The following GALNTL6 variants were observed in gnomAD, a reference collection of about 807,000 sequenced individuals.
GALNTL6 encodes the protein polypeptide N-acetylgalactosaminyltransferase like 6.
GALNTL6 carries 46 observed loss-of-function variants against 73.7 expected under a neutral mutation model. The observed-to-expected ratio is 0.62, with a 90% CI of 0.49 to 0.80. GALNTL6 has a LOEUF of 0.80. Ranked by LOEUF, GALNTL6 falls within the 30% of genes least tolerant of loss-of-function variation. GALNTL6 has a pLI of 0.00. For synonymous variants in GALNTL6, 259 were observed against 263.7 expected (o/e 0.98, Z 0.17); for missense variants, 604 against 755.0 (o/e 0.80, Z 2.34).
At chr4:172,614,307 T>C (rs949031435) in intron 5 of GALNTL6, among the ~76,000 whole-genome samples, 2 of 152,176 alleles carry the variant, frequency 1.3e-5, no homozygotes, top group African/African-American at 4.8e-5. Flanking sequence ...TATTTTTTGA[T>C]TTCTTGAAGA....
chr4:172,404,724 A>C (rs555622441), intron 5 of GALNTL6, among the ~76,000 whole-genome samples: 2 of 152,204 alleles, frequency 1.3e-5, no homozygotes, highest in Admixed American at 1.3e-4. Flanking sequence ...CCTGGGCACT[A>C]ATAGTACATA....
intron 2 of GALNTL6, among the ~76,000 whole-genome samples, chr4:172,077,702 A>C (rs1032378353): frequency 3.2e-4 from 48 of 152,214 alleles, no homozygotes; most frequent in African/African-American, 1.2e-3. Context: ...ATGGTAGAAA[A>C]GAAAAACCTA....
At chr4:171,831,284 A>T (rs1485474707) in intron 2 of GALNTL6, among the ~76,000 whole-genome samples, 1 of 152,022 alleles carries the variant, frequency 6.6e-6, no homozygotes, top group African/African-American at 2.4e-5. Context: ...TGCGAAAGAG[A>T]TTAGGAAAAT....
chr4:172,565,135 C>T (rs1736511114), intron 5 of GALNTL6, among the ~76,000 whole-genome samples: 1 of 152,102 alleles, frequency 6.6e-6, no homozygotes, highest in African/African-American at 2.4e-5. Context: ...TTTATAAGGC[C>T]ACTAATCCCA....
chr4:172,528,319 A>AATATATATATATAT (rs3083419), intron 5 of GALNTL6, among the ~76,000 whole-genome samples: 8 of 103,674 alleles, frequency 7.7e-5, no homozygotes, highest in South Asian at 2.7e-4. Flanking sequence ...CTAGAAATAA[A>AATATATATATATAT]ATATATATAT....
intron 2 of GALNTL6, among the ~76,000 whole-genome samples, chr4:171,941,444 A>G (rs1738541835): frequency 6.6e-6 from 1 of 152,188 alleles, no homozygotes. Context: ...GTGAATTTTA[A>G]TTTTCTATAA....
chr4:172,810,421 G>A (rs995131605), intron 6 of GALNTL6, among the ~76,000 whole-genome samples: 1 of 152,188 alleles, frequency 6.6e-6, no homozygotes, highest in Non-Finnish European at 1.5e-5. Context: ...CACACAGTGT[G>A]TTCTCCTTTC....
At chr4:172,280,355 G>A (rs1738999997) in intron 3 of GALNTL6, among the ~76,000 whole-genome samples, 1 of 152,028 alleles carries the variant, frequency 6.6e-6, no homozygotes, top group African/African-American at 2.4e-5. Context: ...TTCACAAGGT[G>A]GGCCTTATGT....
At chr4:172,149,368 T>C (rs1734009375) in intron 2 of GALNTL6, among the ~76,000 whole-genome samples, 1 of 152,218 alleles carries the variant, frequency 6.6e-6, no homozygotes, top group African/African-American at 2.4e-5. Context: ...CTTTGACCTG[T>C]AGGACATATT....
At chr4:172,042,909 A>G (rs987280446) in intron 2 of GALNTL6, among the ~76,000 whole-genome samples, 5 of 146,226 alleles carry the variant, frequency 3.4e-5, no homozygotes, top group African/African-American at 1.2e-4. Context: ...ATTGTGATGC[A>G]TAAAACTATT....
chr4:172,680,425 C>T (rs1445645393), intron 5 of GALNTL6, among the ~76,000 whole-genome samples: 2 of 151,564 alleles, frequency 1.3e-5, no homozygotes, highest in Non-Finnish European at 2.9e-5. Flanking sequence ...GGAAAGAAGG[C>T]ATACAGGAAG....
intron 3 of GALNTL6, among the ~76,000 whole-genome samples, chr4:172,269,722 TTCTCTCTC>T (rs71592064): frequency 6.6e-6 from 1 of 151,306 alleles, no homozygotes; most frequent in Admixed American, 6.6e-5. Context: ...TTTTTATGCA[TTCTCTCTC>T]TCTCTCTCTC....
intron 5 of GALNTL6, among the ~76,000 whole-genome samples, chr4:172,393,138 C>T (rs551759062): frequency 6.7e-4 from 102 of 152,266 alleles, no homozygotes; most frequent in African/African-American, 2.4e-3. Flanking sequence ...GAAAAATTGT[C>T]TTCCATGAAA....
chr4:172,264,340 A>G (rs577741059), intron 3 of GALNTL6, among the ~76,000 whole-genome samples: 80 of 150,834 alleles, frequency 5.3e-4, no homozygotes, highest in Non-Finnish European at 9.5e-4. Flanking sequence ...TTATCTACAC[A>G]TTACCCAACC....
intron 2 of GALNTL6, among the ~76,000 whole-genome samples, chr4:172,229,247 C>T (rs574379340): frequency 2.0e-5 from 3 of 152,196 alleles, no homozygotes; most frequent in Non-Finnish European, 2.9e-5. Context: ...ACTACAAAGC[C>T]GTTCAGATAT....
At chr4:172,164,214 A>G (rs1002949348) in intron 2 of GALNTL6, among the ~76,000 whole-genome samples, 5 of 152,060 alleles carry the variant, frequency 3.3e-5, no homozygotes, top group Admixed American at 2.0e-4. Flanking sequence ...TTCTGTTTCA[A>G]ACAAAAAACA....
At chr4:172,254,116 A>T (rs186106155) in intron 3 of GALNTL6, among the ~76,000 whole-genome samples, 70 of 151,906 alleles carry the variant, frequency 4.6e-4, no homozygotes, top group African/African-American at 1.6e-3. Flanking sequence ...TTTGATAAGA[A>T]ATCAACATTC....
intron 2 of GALNTL6, among the ~76,000 whole-genome samples, chr4:171,904,644 T>C (rs1445644609): frequency 6.6e-6 from 1 of 151,968 alleles, no homozygotes; most frequent in Non-Finnish European, 1.5e-5. Flanking sequence ...ATACAGAGAA[T>C]GCCACAAAGA....
At chr4:172,740,036 CA>C (rs1736709725) in intron 5 of GALNTL6, among the ~76,000 whole-genome samples, 1 of 151,914 alleles carries the variant, frequency 6.6e-6, no homozygotes, top group Non-Finnish European at 1.5e-5. Flanking sequence ...GTAGGGACTT[CA>C]AAACCCTCCT....
Sources: gnomAD v4.1 joint callset for allele counts (sites outside exome capture counted in the v4.1 genomes callset) on GRCh38, gnomAD v4.1.1 for gene constraint, MANE v1.5 for transcripts, NCBI Gene and HGNC (gene_info 2026-07-23, HGNC 2026-07-21) for gene names.